Variants in RPA1 observed in about 807,000 individuals in gnomAD.
RPA1 encodes replication protein A 70 kDa DNA-binding subunit.
A neutral mutation model predicts 83.0 loss-of-function variants in RPA1; 49 were observed. The ratio of observed to expected loss-of-function variants is 0.59; its 90% CI spans 0.47 to 0.75. RPA1 has a LOEUF of 0.75. Among genes scored for constraint, RPA1 ranks in the 30% least tolerant of loss-of-function variants. The pLI is 0.00. For synonymous variants in RPA1, 279 were observed against 281.8 expected (o/e 0.99, Z 0.10); for missense variants, 693 against 776.1 (o/e 0.89, Z 1.27).
chr17:1,885,429 G>A (rs1019155426), intron 13 of RPA1, among the ~76,000 whole-genome samples: 13 of 151,984 alleles, frequency 8.6e-5, no homozygotes, highest in African/African-American at 1.9e-4. Context: ...CCAAACTCCC[G>A]TTGATGTTGG....
intron 6 of RPA1, among the ~76,000 whole-genome samples, 182 bp downstream of exon 6, chr17:1,872,708 CTTTTTTTTTTT>C (rs34892322): frequency 2.7e-5 from 3 of 113,056 alleles, no homozygotes; most frequent in African/African-American, 6.6e-5. Context: ...TAAAGATTGT[CTTTTTTTTTTT>C]TTTTTTTTTT....
chr17:1,839,332 T>G (rs1332588803), intron 1 of RPA1, among the ~76,000 whole-genome samples: 1 of 151,902 alleles, frequency 6.6e-6, no homozygotes, highest in East Asian at 1.9e-4. Context: ...ATTTTTTATT[T>G]TTTATTTTTT....
chr17:1,839,280 A>G (rs1292360350), intron 1 of RPA1, among the ~76,000 whole-genome samples: 1 of 152,084 alleles, frequency 6.6e-6, no homozygotes, highest in South Asian at 2.1e-4. Context: ...ATTTATAGTA[A>G]ATCTTGAAAT....
intron 5 of RPA1, among the ~76,000 whole-genome samples, chr17:1,857,467 T>C (rs1912747748): frequency 6.6e-6 from 1 of 151,870 alleles, no homozygotes; most frequent in South Asian, 2.1e-4. Flanking sequence ...AAGCAGCTGC[T>C]CCAAGAACTA....
chr17:1,832,220 C>T (rs1037982611), intron 1 of RPA1, among the ~76,000 whole-genome samples: 5 of 151,270 alleles, frequency 3.3e-5, no homozygotes, highest in African/African-American at 7.3e-5. Context: ...AGTGAGCCAC[C>T]GCACCCGGCC....
intron 12 of RPA1, 56 bp downstream of exon 12, chr17:1,880,747 T>TG: frequency 1.2e-6 from 2 of 1,601,080 alleles, no homozygotes; most frequent in South Asian, 2.2e-5. Flanking sequence ...TGAGAAAAGC[T>TG]GGTTACAATC....
At chr17:1,880,399 T>TGA in intron 11 of RPA1, 144 bp from the exon 12 acceptor site, 1 of 763,952 alleles carries the variant, frequency 1.3e-6, no homozygotes, top group Non-Finnish European at 2.1e-6. Flanking sequence ...GAGTAGATTC[T>TGA]CATGTGTGAG....
chr17:1,852,450 C>G (rs1297521329), intron 4 of RPA1, among the ~76,000 whole-genome samples: 1 of 152,176 alleles, frequency 6.6e-6, no homozygotes, highest in Non-Finnish European at 1.5e-5. Flanking sequence ...GAACACAACA[C>G]CGCAATCTCA....
At chr17:1,837,747 C>A (rs1408746809) in intron 1 of RPA1, among the ~76,000 whole-genome samples, 1 of 152,188 alleles carries the variant, frequency 6.6e-6, no homozygotes, top group Non-Finnish European at 1.5e-5. Context: ...CTGTTCACAT[C>A]TTTTGTTCAC....
rs543713441 is a variant in RPA1, at chr17:1,883,875, C to A, written c.1305C>A (p.Val435=). 6.2e-7 allele frequency: 1 copy of A among 1,614,078 alleles called. No individual in the cohort carries two copies. Among genetic ancestry groups the A allele is most frequent in the Non-Finnish European group, 8.5e-7 (1 of 1,180,006 alleles). ...TCTCTGATCTAAAGAGCGGCGGAGT[C>A]GGAGGGAGTAACACCAACTGGAAAA... ...VSISDLKSGG[V]GGSNTNWKTL... Residue 435 remains valine (V), a synonymous_variant, in exon 13 of 17, where the codon GTC becomes GTA. Coordinates refer to ENST00000254719, the MANE Select transcript of RPA1 (RefSeq NM_002945.5).
Position 1,898,035 on chromosome 17 carries a change from CTTTGT to C in RPA1, c.*864_*868del, listed in dbSNP as rs1373041745. ...ATTTTGAAGCCTTTTGTTTCCCTTGCTTTGTTTTAATAAACAGTATATTCTTTGGT... is the reference window on the plus strand; with the variant it reads ...ATTTTGAAGCCTTTTGTTTCCCTTGCTTTAATAAACAGTATATTCTTTGGT... On this transcript the variant is annotated 3_prime_UTR_variant, in exon 17 of 17. Coordinates refer to ENST00000254719, the MANE Select transcript of RPA1 (RefSeq NM_002945.5). 1.3e-5 allele frequency: 2 copies of C among 152,174 alleles called. No individual in the cohort carries two copies. The highest frequency in any genetic ancestry group is 4.8e-5 in the African/African-American group (2 of 41,432). The allele number at this position is 152,174 out of a possible 1,614,324, so 9.4% of individuals were successfully genotyped here. A position where few individuals can be genotyped will look rare whatever the true frequency, so the allele number is the denominator to read the frequency against.
intron 1 of RPA1, among the ~76,000 whole-genome samples, chr17:1,836,503 T>C (rs976454493): frequency 1.3e-5 from 2 of 152,138 alleles, no homozygotes; most frequent in Non-Finnish European, 1.5e-5. Context: ...ATAGAATACT[T>C]CCATCAACGC....
At chr17:1,858,428 T>C (rs1015147325) in intron 5 of RPA1, 80 of 1,524,498 alleles carry the variant, frequency 5.2e-5, no homozygotes, top group Non-Finnish European at 6.4e-5. Context: ...CCAACGTGTC[T>C]CAGCAACAGC....
intron 5 of RPA1, among the ~76,000 whole-genome samples, chr17:1,855,219 G>A (rs1324967152): frequency 6.6e-6 from 1 of 152,062 alleles, no homozygotes; most frequent in Non-Finnish European, 1.5e-5. Context: ...CTGGAGTGCA[G>A]TGGTGCCTTC....
At chr17:1,849,133 C>T (rs936840681) in intron 4 of RPA1, among the ~76,000 whole-genome samples, 3 of 152,140 alleles carry the variant, frequency 2.0e-5, no homozygotes, top group Non-Finnish European at 4.4e-5. Context: ...GTTTACCTCC[C>T]TGCCAACAGC....
chr17:1,843,295 G>A (rs1199188952), intron 2 of RPA1, among the ~76,000 whole-genome samples: 2 of 151,784 alleles, frequency 1.3e-5, no homozygotes, highest in Admixed American at 6.6e-5. Context: ...AAGCAGAATG[G>A]TGGGCTCACC....
chr17:1,869,301 T>C (rs779325371), intron 5 of RPA1, among the ~76,000 whole-genome samples: 2 of 133,678 alleles, frequency 1.5e-5, no homozygotes, highest in Non-Finnish European at 3.6e-5. Flanking sequence ...CTTTGGGAGA[T>C]TGAGGTGGGC....
At chr17:1,840,232 C>T (rs550048065) in intron 1 of RPA1, among the ~76,000 whole-genome samples, 32 of 152,036 alleles carry the variant, frequency 2.1e-4, no homozygotes, top group African/African-American at 6.0e-4. Context: ...CTCCTGGGCT[C>T]GAGTGATTCT....
intron 1 of RPA1, among the ~76,000 whole-genome samples, chr17:1,838,906 A>C (rs1316568369): frequency 6.6e-6 from 1 of 152,090 alleles, no homozygotes; most frequent in African/African-American, 2.4e-5. Flanking sequence ...GCTGGAGTGC[A>C]GTGGCACGAT....
Sources: gnomAD v4.1 joint callset for allele counts (sites outside exome capture counted in the v4.1 genomes callset) on GRCh38, gnomAD v4.1.1 for gene constraint, MANE v1.5 for transcripts, NCBI Gene and HGNC (gene_info 2026-07-23, HGNC 2026-07-21) for gene names.